The following NUFIP2 variants were observed in gnomAD, a reference collection of about 807,000 sequenced individuals.
The protein encoded by NUFIP2 is nuclear FMR1 interacting protein 2.
In NUFIP2, 6 loss-of-function variants were observed where a neutral mutation model predicts 56.9. The observed-to-expected ratio is 0.11, with a 90% confidence interval of 0.06 to 0.21. The LOEUF is 0.21. Among genes scored for constraint, NUFIP2 ranks in the 10% least tolerant of loss-of-function variants. The pLI is 1.00. For missense variants in NUFIP2, 828 were observed against 826.8 expected, an observed-to-expected ratio of 1.00 and a Z score of -0.02; for synonymous variants, 321 against 298.2, an observed-to-expected ratio of 1.08 and a Z score of -0.79.
In NUFIP2 at chr17:29,256,964, C is replaced by CT. The variant is rs2068974907; in HGVS notation, c.*7574dup. ...AAAGCAATAAAGGTAAAAGCCTATCCTACCTTTAAACCAGCTTTAAGACAA... is the reference window on the plus strand; with the variant it reads ...AAAGCAATAAAGGTAAAAGCCTATCCTTACCTTTAAACCAGCTTTAAGACAA... On this transcript the variant is annotated 3_prime_UTR_variant, in exon 4 of 4. Transcript: ENST00000225388. 1 of 152,150 alleles carries CT rather than the reference C, an allele frequency of 6.6e-6. No individual in the cohort carries two copies. Among genetic ancestry groups the CT allele is most frequent in the Non-Finnish European group, 1.5e-5 (1 of 68,012 alleles). The allele number at this position is 152,150 out of a possible 1,614,324, so 9.4% of individuals were successfully genotyped here. A position where few individuals can be genotyped will look rare whatever the true frequency, so the allele number is the denominator to read the frequency against.
At chr17:29,272,330 T>C (rs2069079767) in intron 2 of NUFIP2, among the ~76,000 whole-genome samples, 1 of 149,590 alleles carries the variant, frequency 6.7e-6, no homozygotes, top group South Asian at 2.1e-4. Flanking sequence ...AAGCTCTGCC[T>C]CCAGGGTTCA....
rs1315581256 is a variant in NUFIP2, at chr17:29,257,911, T to G, written c.*6628A>C. Reference sequence around the variant, plus strand: ...AGATACAACAAAAAAAGTAAATCACTTCCCCAGCTTATAAAATAGTTCCAG... The same window carrying G: ...AGATACAACAAAAAAAGTAAATCACGTCCCCAGCTTATAAAATAGTTCCAG... On this transcript the variant is annotated 3_prime_UTR_variant, in exon 4 of 4. Coordinates refer to ENST00000225388, the MANE Select transcript of NUFIP2 (RefSeq NM_020772.3). 6.6e-6 allele frequency: 1 copy of G among 152,126 alleles called. No individual in the cohort carries two copies. Among genetic ancestry groups the G allele is most frequent in the Non-Finnish European group, 1.5e-5 (1 of 67,998 alleles). The allele number at this position is 152,126 out of a possible 1,614,324, so 9.4% of individuals were successfully genotyped here. A position where few individuals can be genotyped will look rare whatever the true frequency, so the allele number is the denominator to read the frequency against.
rs549331208 is a variant in NUFIP2, at chr17:29,286,700, C to A, written c.1294G>T (p.Gly432Cys). 1.2e-5 allele frequency: 19 copies of A among 1,614,068 alleles called. No individual in the cohort carries two copies. In the African/African-American group the frequency reaches 1.9e-4, roughly 16 times the overall value. ...GTDGNVYPPG[G>C]QPLLTTAANT... ...GCAGCAGTAGTTAGCAGTGGCTGAC[C>A]CCCTGGAGGATAAACATTTCCATCA... Residue 432 changes from glycine to cysteine, a missense_variant, in exon 2 of 4, where the codon GGT (glycine) becomes TGT (cysteine). Around this residue, in one of 3 missense-constraint regions of NUFIP2, gnomAD observed 404 missense variants for 380.3 expected, o/e 1.06. Transcript: ENST00000225388.
At chr17:29,265,060 G>A (rs562283884) in intron 3 of NUFIP2, among the ~76,000 whole-genome samples, 5 of 152,204 alleles carry the variant, frequency 3.3e-5, no homozygotes, top group African/African-American at 1.2e-4. Flanking sequence ...AAAACTTGAC[G>A]TTAAATTAAT....
In NUFIP2 at chr17:29,259,873, A is replaced by T. The variant is rs1356682872; in HGVS notation, c.*4666T>A. ...TAAGACCTTTCTTGAGCGGCAAAACAGTGTGAAATTTAAAACTCAGTAAAG... is the reference window on the plus strand; with the variant it reads ...TAAGACCTTTCTTGAGCGGCAAAACTGTGTGAAATTTAAAACTCAGTAAAG... On this transcript the variant is annotated 3_prime_UTR_variant, in exon 4 of 4. Coordinates refer to ENST00000225388, the MANE Select transcript of NUFIP2 (RefSeq NM_020772.3). 3 of 152,182 alleles carry T rather than the reference A, an allele frequency of 2.0e-5. No individual in the cohort carries two copies. The highest frequency in any genetic ancestry group is 2.9e-5 in the Non-Finnish European group (2 of 68,034). The allele number at this position is 152,182 out of a possible 1,614,324, so 9.4% of individuals were successfully genotyped here. A position where few individuals can be genotyped will look rare whatever the true frequency, so the allele number is the denominator to read the frequency against.
At chr17:29,288,153 C>T (rs149539719) in intron 1 of NUFIP2, among the ~76,000 whole-genome samples, 1,635 of 152,374 alleles carry the variant, frequency 0.011, 32 homozygotes, top group African/African-American at 0.038. Flanking sequence ...ACGCCATTCT[C>T]CTGCCTCAGC....
At position 29,258,033 on chromosome 17, in the gene NUFIP2, C is replaced by T. The variant is rs2068980374; in HGVS notation, c.*6506G>A. 1 of 151,866 alleles carries T rather than the reference C, an allele frequency of 6.6e-6. No homozygotes were observed. The highest frequency in any genetic ancestry group is 2.4e-5 in the African/African-American group (1 of 41,378). The allele number at this position is 151,866 out of a possible 1,614,324, so 9.4% of individuals were successfully genotyped here. ...AAATTAGTGAGGTGGTAAGAACCAT[C>T]GACTATCTCAGGCATTACTACATGG... On this transcript the variant is annotated 3_prime_UTR_variant, in exon 4 of 4. Coordinates refer to ENST00000225388, the MANE Select transcript of NUFIP2 (RefSeq NM_020772.3).
At chr17:29,292,386 G>A (rs1374872864) in intron 1 of NUFIP2, among the ~76,000 whole-genome samples, 1 of 151,734 alleles carries the variant, frequency 6.6e-6, no homozygotes, top group African/African-American at 2.4e-5. Context: ...GGTCGGGAGG[G>A]GAATGGAACA....
chr17:29,287,050 A>G lies in NUFIP2; in HGVS notation c.944T>C (p.Phe315Ser). Residue 315 changes from phenylalanine to serine, a missense_variant, in exon 2 of 4, where the codon TTT becomes TCT. By Grantham distance (155) the Phe-to-Ser change is radical (BLOSUM62 -2). Transcript: ENST00000225388. ...DSKPGVSSKK[F>S]DDRPKGKHAS... ...ATGCTTTCCTTTGGGCCGATCATCA[A>G]ACTTTTTGCTGCTCACACCAGGTTT... is the stretch of plus-strand genomic sequence containing the variant. 1 of 1,614,132 alleles carries G rather than the reference A, an allele frequency of 6.2e-7. No individual in the cohort carries two copies. The highest frequency in any genetic ancestry group is 8.5e-7 in the Non-Finnish European group (1 of 1,180,034).
chr17:29,280,891 G>C (rs1296874046), intron 2 of NUFIP2, among the ~76,000 whole-genome samples: 1 of 95,766 alleles, frequency 1.0e-5, no homozygotes. Flanking sequence ...GGGAGGCTGA[G>C]GCAGAATCGC....
In NUFIP2 at chr17:29,267,538, G is replaced by GA. The variant is rs749944158; in HGVS notation, c.2003-9dup. 9.3e-6 allele frequency: 14 copies of GA among 1,507,756 alleles called. No homozygotes were observed. The highest frequency in any genetic ancestry group is 2.8e-5 in the African/African-American group (2 of 70,784). 93.4% of individuals were successfully genotyped at this position (1,507,756 alleles called of 1,614,324 possible). ...TCCAAATAGATTCCATTTCTGCAAAGAAAAAAAGAGAATTACATACTAAGT... is the reference window on the plus strand; with the variant it reads ...TCCAAATAGATTCCATTTCTGCAAAGAAAAAAAAGAGAATTACATACTAAGT... On this transcript the variant is annotated splice_polypyrimidine_tract_variant and intron_variant, in intron 2 of 3. Transcript: ENST00000225388.
chr17:29,293,793 C>T lies in NUFIP2; in HGVS notation c.267G>A (p.Lys89=). 6.6e-6 allele frequency: 9 copies of T among 1,357,258 alleles called. No individual in the cohort carries two copies. The highest frequency in any genetic ancestry group is 1.5e-5 in the African/African-American group (1 of 66,832). The allele number at this position is 1,357,258 out of a possible 1,614,324, so 84.1% of individuals were successfully genotyped here. ...TCCTCCCTCCCAGACCTGTTTTCTT[C>T]TTCGGCGTTTCCTGGTGCTGCTGGA... ...HTLQQHQETP[K]KKTGYGELNG... The change falls in exon 1 of 4, where the codon AAG becomes AAA. Residue 89 remains lysine (K), a synonymous_variant. Transcript: ENST00000225388.
At position 29,257,368 on chromosome 17, in the gene NUFIP2, T is replaced by C. The variant is rs1598427020; in HGVS notation, c.*7171A>G. 1 of 152,174 alleles carries C rather than the reference T, an allele frequency of 6.6e-6. No individual in the cohort carries two copies. Among genetic ancestry groups the C allele is most frequent in the East Asian group, 1.9e-4 (1 of 5,200 alleles). 9.4% of individuals were successfully genotyped at this position (152,174 alleles called of 1,614,324 possible). A position where few individuals can be genotyped will look rare whatever the true frequency, so the allele number is the denominator to read the frequency against. Reference sequence around the variant, plus strand: ...CAAAACATGTGCATAGCTTTATTCATCTACTTAGATCTAACCTTTTCACGG... The same window carrying C: ...CAAAACATGTGCATAGCTTTATTCACCTACTTAGATCTAACCTTTTCACGG... On this transcript the variant is annotated 3_prime_UTR_variant, in exon 4 of 4. Transcript: ENST00000225388.
At chr17:29,282,751 A>G (rs2069148022) in intron 2 of NUFIP2, among the ~76,000 whole-genome samples, 1 of 150,468 alleles carries the variant, frequency 6.6e-6, no homozygotes, top group Non-Finnish European at 1.5e-5. Context: ...CTACTCACTT[A>G]GAGATTACTA....
chr17:29,271,757 T>G (rs1283452776), intron 2 of NUFIP2, among the ~76,000 whole-genome samples: 1 of 151,890 alleles, frequency 6.6e-6, no homozygotes, highest in Non-Finnish European at 1.5e-5. Flanking sequence ...GATGCTATGC[T>G]TAACCTTAAC....
intron 2 of NUFIP2, among the ~76,000 whole-genome samples, chr17:29,284,706 C>CAAAAAAAAAAAAAAAAAAA (rs66700326): frequency 8.2e-4 from 44 of 53,508 alleles, no homozygotes; most frequent in Non-Finnish European, 1.1e-3. Context: ...GACTCCATCT[C>CAAAAAAAAAAAAAAAAAAA]AAAAAAAAAA....
chr17:29,267,590 C>T (rs1169664231), intron 2 of NUFIP2, 60 bp from the exon 3 acceptor site: 121 of 1,055,464 alleles, frequency 1.1e-4, no homozygotes, highest in Non-Finnish European at 1.5e-4. Flanking sequence ...TGAAGCGATG[C>T]TTTTCATTTT....
chr17:29,293,185 A>T (rs2069229107), intron 1 of NUFIP2, among the ~76,000 whole-genome samples: 1 of 150,958 alleles, frequency 6.6e-6, no homozygotes. Flanking sequence ...CGGCGCCCAA[A>T]AAGGGCGTTT....
Position 29,260,038 on chromosome 17 carries a change from G to C in NUFIP2, c.*4501C>G, listed in dbSNP as rs1304246945. 1 of 152,176 alleles carries C rather than the reference G, an allele frequency of 6.6e-6. No homozygotes were observed. The highest frequency in any genetic ancestry group is 1.5e-5 in the Non-Finnish European group (1 of 68,030). 9.4% of individuals were successfully genotyped at this position (152,176 alleles called of 1,614,324 possible). On this transcript the variant is annotated 3_prime_UTR_variant, in exon 4 of 4. Transcript: ENST00000225388. ...CTTTTCACCATGAAAGAATCTTGGT[G>C]CTCTGTTGATTAATTACATTAGTAA...
Sources: gnomAD v4.1 joint callset for allele counts (sites outside exome capture counted in the v4.1 genomes callset) on GRCh38, gnomAD v4.1.1 for gene constraint, gnomAD v4.1.1 regional missense constraint, MANE v1.5 for transcripts, NCBI Gene and HGNC (gene_info 2026-07-23, HGNC 2026-07-21) for gene names.